Variants in BNC1 observed in about 807,000 individuals in gnomAD.
BNC1 encodes zinc finger protein basonuclin-1.
A neutral mutation model predicts 66.5 loss-of-function variants in BNC1; 8 were observed. The ratio of observed to expected loss-of-function variants is 0.12; its 90% CI spans 0.07 to 0.22. BNC1 has a LOEUF of 0.22. Among genes scored for constraint, BNC1 ranks in the 10% least tolerant of loss-of-function variants. The pLI is 1.00. For synonymous variants in BNC1, 454 were observed against 452.6 expected (o/e 1.00, Z -0.04); for missense variants, 1,069 against 1,241.3 (o/e 0.86, Z 2.09).
Position 83,262,935 on chromosome 15 carries a change from C to T in BNC1, c.2300+16G>A, listed in dbSNP as rs747582486. The T allele has an allele frequency of 8.3e-6, 13 of 1,574,690 alleles. No individual in the cohort carries two copies. The highest frequency in any genetic ancestry group is 1.1e-5 in the Non-Finnish European group (13 of 1,162,008). On this transcript the variant is annotated intron_variant, in intron 4 of 4. Coordinates refer to ENST00000345382, the MANE Select transcript of BNC1 (RefSeq NM_001717.4). ...GCCACTGCCTTAGAAAAAATGATTG[C>T]CTACAGATGCCTTACCTGTCTCTGC...
At chr15:83,275,908 A>C (rs967401004) in intron 1 of BNC1, among the ~76,000 whole-genome samples, 2 of 151,970 alleles carry the variant, frequency 1.3e-5, no homozygotes, top group African/African-American at 4.8e-5. Flanking sequence ...TATGAAATGA[A>C]TATAATCTCC....
In BNC1 at chr15:83,258,072, C is replaced by T. The variant is rs1456599644; in HGVS notation, c.2355G>A (p.Glu785=). 3 of 1,609,938 alleles carry T rather than the reference C, an allele frequency of 1.9e-6. No individual in the cohort carries two copies. In the African/African-American group the frequency reaches 4.0e-5, roughly 22 times the overall value. Residue 785 remains glutamate (E), a synonymous_variant, in exon 5 of 5, where the codon GAG becomes GAA. Coordinates refer to ENST00000345382, the MANE Select transcript of BNC1 (RefSeq NM_001717.4). ...CTGCACGGAAATGATCTTCACTACT[C>T]TCCAATGCTTCCTGGCTCAATGCTT... The part of the protein sequence containing the change: ...HQKALSQEAL[E]SSEDHFRAAY...
chr15:83,257,849 T>C lies in BNC1; in HGVS notation c.2578A>G (p.Thr860Ala). 1 of 1,614,148 alleles carries C rather than the reference T, an allele frequency of 6.2e-7. No individual in the cohort carries two copies. The highest frequency in any genetic ancestry group is 1.3e-5 in the African/African-American group (1 of 75,032). The part of the protein sequence containing the change: ...LSEGTILDLS[T>A]TSSMKSESSS... The stretch of plus-strand genomic sequence containing the variant: ...CTCTCTGACTTCATGCTCGAGGTAG[T>C]GCTCAAATCCAGGATGGTGCCCTCG... The change falls in exon 5 of 5, where the codon ACT (threonine) becomes GCT (alanine). Residue 860 changes from threonine (T) to alanine (A), a missense_variant. Physicochemically the swap from Thr to Ala is moderately conservative, Grantham distance 58. Around this residue, in one of 7 missense-constraint regions of BNC1, gnomAD observed 657 missense variants for 715.8 expected, o/e 0.92. Transcript: ENST00000345382.
chr15:83,268,289 A>G, intron 1 of BNC1, 57 bp from the exon 2 acceptor site: 1 of 1,445,026 alleles, frequency 6.9e-7, no homozygotes, highest in East Asian at 2.3e-5. Flanking sequence ...TGAAACATTC[A>G]TTGTATTTCA....
chr15:83,260,124 CT>C (rs1313715203), intron 4 of BNC1, among the ~76,000 whole-genome samples: 2 of 152,110 alleles, frequency 1.3e-5, no homozygotes, highest in African/African-American at 4.8e-5. Flanking sequence ...TATTATTTGC[CT>C]TTTTCACTTT....
chr15:83,257,649 C>A lies in BNC1; in HGVS notation c.2778G>T (p.Leu926Phe). ...DQSLASLPSG[L>F]PITCHLCQKT... Reference sequence around the variant, plus strand: ...TTTGGCAGAGATGACAGGTTATGGGCAACCCAGAAGGCAGGCTAGCAAGGC... The same window carrying A: ...TTTGGCAGAGATGACAGGTTATGGGAAACCCAGAAGGCAGGCTAGCAAGGC... The change falls in exon 5 of 5, where the codon TTG becomes TTT. Residue 926 changes from leucine (L) to phenylalanine (F), a missense_variant. This residue lies in a region of BNC1 where 657 missense variants were observed against 715.8 expected (regional missense o/e 0.92). Transcript: ENST00000345382. 2 of 1,614,088 alleles carry A rather than the reference C, an allele frequency of 1.2e-6. No individual in the cohort carries two copies. Among genetic ancestry groups the A allele is most frequent in the Non-Finnish European group, 1.7e-6 (2 of 1,180,002 alleles).
chr15:83,284,640 C>G lies in BNC1; in HGVS notation c.-12G>C. The G allele has an allele frequency of 1.0e-6, 1 of 988,584 alleles. No individual in the cohort carries two copies. Among genetic ancestry groups the G allele is most frequent in the Non-Finnish European group, 1.2e-6 (1 of 833,088 alleles). The allele number at this position is 988,584 out of a possible 1,614,324, so 61.2% of individuals were successfully genotyped here. On this transcript the variant is annotated 5_prime_UTR_variant, in exon 1 of 5. Coordinates refer to ENST00000345382, the MANE Select transcript of BNC1 (RefSeq NM_001717.4). ...GGGCGCCGCCGCATCCACGCTCCGG[C>G]CGTCGGGGCGCGACCCGGCGAAGTG... is the stretch of plus-strand genomic sequence containing the variant.
At chr15:83,269,461 G>A (rs916559706) in intron 1 of BNC1, among the ~76,000 whole-genome samples, 1 of 152,048 alleles carries the variant, frequency 6.6e-6, no homozygotes, top group Non-Finnish European at 1.5e-5. Flanking sequence ...GCATCTGGAG[G>A]AGGGATAAAA....
chr15:83,263,846 A>C lies in BNC1; in HGVS notation c.1405T>G (p.Phe469Val). 1 of 1,614,190 alleles carries C rather than the reference A, an allele frequency of 6.2e-7. No individual in the cohort carries two copies. Among genetic ancestry groups the C allele is most frequent in the African/African-American group, 1.3e-5 (1 of 75,052 alleles). Residue 469 changes from phenylalanine to valine, a missense_variant, in exon 4 of 5, where the codon TTC becomes GTC. Coordinates refer to ENST00000345382, the MANE Select transcript of BNC1 (RefSeq NM_001717.4). ...SGEDSKGQPA[F>V]PNIGQNGVLF... ...ACACCATTTTGCCCAATGTTTGGGA[A>C]GGCTGGTTGGCCTTTGGAATCCTCT...
At chr15:83,275,580 T>C (rs1162180731) in intron 1 of BNC1, among the ~76,000 whole-genome samples, 1 of 152,136 alleles carries the variant, frequency 6.6e-6, no homozygotes, top group Non-Finnish European at 1.5e-5. Flanking sequence ...AAGAATGTTT[T>C]AGATTGAGTC....
chr15:83,270,833 G>C (rs1389212199), intron 1 of BNC1, among the ~76,000 whole-genome samples: 1 of 152,018 alleles, frequency 6.6e-6, no homozygotes, highest in Non-Finnish European at 1.5e-5. Context: ...TTCAAATTTT[G>C]ACCATGGTTT....
chr15:83,264,537 G>C lies in BNC1; in HGVS notation c.714C>G (p.Ser238Arg). The C allele has an allele frequency of 6.2e-7, 1 of 1,614,170 alleles. No individual in the cohort carries two copies. The highest frequency in any genetic ancestry group is 8.5e-7 in the Non-Finnish European group (1 of 1,180,030). The change falls in exon 4 of 5, where the codon AGC becomes AGG. Residue 238 changes from serine (S) to arginine (R), a missense_variant. This residue lies in a region of BNC1 where 181 missense variants were observed against 181.5 expected (regional missense o/e 1.00). Coordinates refer to ENST00000345382, the MANE Select transcript of BNC1 (RefSeq NM_001717.4). ...GGAAAGGCAGCATGAAAGTCATGTT[G>C]CTTATGAGGTTCTCAAAGGGGTGTA... ...SSIHPFENLI[S>R]NMTFMLPFQF...
chr15:83,262,821 T>G (rs2038159034), intron 4 of BNC1, 130 bp downstream of exon 4: 1 of 962,602 alleles, frequency 1.0e-6, no homozygotes, highest in Non-Finnish European at 1.5e-6. Flanking sequence ...TCACCCTAGA[T>G]CTAATGAAGT....
chr15:83,284,559 G>C lies in BNC1; in HGVS notation c.70C>G (p.Arg24Gly), dbSNP rs762547342. Residue 24 changes from arginine (R) to glycine (G), a missense_variant, in exon 1 of 5, where the codon CGG becomes GGG. Coordinates refer to ENST00000345382, the MANE Select transcript of BNC1 (RefSeq NM_001717.4). ...GCCATCCTGCGACCGCTGCGGTGCC[G>C]GGGCTGCCGGCGCGTCTCCCGGGCC... The part of the protein sequence containing the change: ...ARARETRRQP[R>G]HRSGRRMAEA... 7 of 1,102,798 alleles carry C rather than the reference G, an allele frequency of 6.3e-6. No individual in the cohort carries two copies. Among genetic ancestry groups the C allele is most frequent in the South Asian group, 3.4e-5 (1 of 29,698 alleles). 68.3% of individuals were successfully genotyped at this position (1,102,798 alleles called of 1,614,324 possible).
intron 1 of BNC1, among the ~76,000 whole-genome samples, chr15:83,281,358 ACT>A (rs1195276419): frequency 6.6e-6 from 1 of 152,118 alleles, no homozygotes; most frequent in Non-Finnish European, 1.5e-5. Flanking sequence ...AGAAACAAAA[ACT>A]CTGCAGTAGA....
rs2038424991 is a variant in BNC1 at position 83,284,598 on chromosome 15, G to GTCCGCCCCGGCTCGGCGGGCGCCGCCGCA, written c.2_30dup (p.Arg11CysfsTer39). 1 of 1,020,936 alleles carries GTCCGCCCCGGCTCGGCGGGCGCCGCCGCA rather than the reference G, an allele frequency of 9.8e-7. No homozygotes were observed. Among genetic ancestry groups the GTCCGCCCCGGCTCGGCGGGCGCCGCCGCA allele is most frequent in the African/African-American group, 1.7e-5 (1 of 57,502 alleles). The allele number at this position is 1,020,936 out of a possible 1,614,324, so 63.2% of individuals were successfully genotyped here. A position where few individuals can be genotyped will look rare whatever the true frequency, so the allele number is the denominator to read the frequency against. The stretch of plus-strand genomic sequence containing the variant: ...GTCTCCCGGGCCCGGGCCGCCCCGC[G>GTCCGCCCCGGCTCGGCGGGCGCCGCCGCA]TCCGCCCCGGCTCGGCGGGCGCCGC... On this transcript the variant is annotated frameshift_variant, in exon 1 of 5. Coordinates refer to ENST00000345382, the MANE Select transcript of BNC1 (RefSeq NM_001717.4). LOFTEE classifies it high-confidence loss of function.
intron 1 of BNC1, among the ~76,000 whole-genome samples, chr15:83,269,668 A>G (rs2038251298): frequency 1.3e-5 from 2 of 152,178 alleles, no homozygotes; most frequent in South Asian, 4.1e-4. Flanking sequence ...ACATTCTGGC[A>G]GTTCCTCAAA....
chr15:83,258,944 T>C (rs568744742), intron 4 of BNC1, among the ~76,000 whole-genome samples: 27 of 152,350 alleles, frequency 1.8e-4, no homozygotes, highest in African/African-American at 6.3e-4. Context: ...GTCAAGAGCA[T>C]TGACATACAC....
Position 83,263,027 on chromosome 15 carries a change from T to A in BNC1, c.2224A>T (p.Met742Leu), listed in dbSNP as rs960468833. ...ACSVKIHHKN[M>L]HVKEMHTCTV... Reference sequence around the variant, plus strand: ...CATGTGTGCATTTCTTTGACATGCATATTCTTGTGATGAATTTTCACACTA... The same window carrying A: ...CATGTGTGCATTTCTTTGACATGCAAATTCTTGTGATGAATTTTCACACTA... Residue 742 changes from methionine (M) to leucine (L), a missense_variant, in exon 4 of 5, where the codon ATG becomes TTG. Physicochemically the swap from Met to Leu is conservative, Grantham distance 15. Around this residue, in one of 7 missense-constraint regions of BNC1, gnomAD observed 657 missense variants for 715.8 expected, o/e 0.92. Transcript: ENST00000345382. 6.2e-7 allele frequency: 1 copy of A among 1,614,128 alleles called. No homozygotes were observed. The highest frequency in any genetic ancestry group is 8.5e-7 in the Non-Finnish European group (1 of 1,180,042).
Sources: gnomAD v4.1 joint callset for allele counts (sites outside exome capture counted in the v4.1 genomes callset) on GRCh38, gnomAD v4.1.1 for gene constraint, gnomAD v4.1.1 regional missense constraint, MANE v1.5 for transcripts, NCBI Gene and HGNC (gene_info 2026-07-23, HGNC 2026-07-21) for gene names.